The following POLR2B variants were observed in gnomAD, a reference collection of about 807,000 sequenced individuals.
The protein encoded by POLR2B is DNA-directed RNA polymerase II subunit RPB2.
A neutral mutation model predicts 144.6 loss-of-function variants in POLR2B; 57 were observed. The ratio of observed to expected loss-of-function variants is 0.39; its 90% CI spans 0.32 to 0.49. The LOEUF (loss-of-function observed/expected upper bound fraction) is 0.49, where lower values mean the gene tolerates loss of function less well. Ranked by LOEUF, POLR2B falls within the 20% of genes least tolerant of loss-of-function variation. The pLI, the probability that POLR2B is intolerant of heterozygous loss-of-function variation, is 0.83. For synonymous variants in POLR2B, 442 were observed against 469.8 expected (o/e 0.94, Z 0.77); for missense variants, 595 against 1,467.4 (o/e 0.41, Z 9.71).
chr4:56,990,050 C>G (rs1042141627), intron 2 of POLR2B, among the ~76,000 whole-genome samples: 1 of 152,202 alleles, frequency 6.6e-6, no homozygotes, highest in Non-Finnish European at 1.5e-5. Context: ...AACTAATGAT[C>G]TATAACCTAA....
At chr4:56,986,314 C>A in intron 1 of POLR2B, 40 bp from the exon 2 acceptor site, 1 of 1,108,092 alleles carries the variant, frequency 9.0e-7, no homozygotes, top group Non-Finnish European at 1.4e-6. Flanking sequence ...AACTAAGTGG[C>A]ATCTCATTGC....
chr4:57,023,782 A>C lies in POLR2B; in HGVS notation c.2856+31A>C. ...TATCTTTGATCTCCCTCATGCCCAA[A>C]CCAGTTTTGTTAAATATTTTTTTTT... On this transcript the variant is annotated intron_variant, in intron 20 of 24. Transcript: ENST00000314595. This position sits in a 1 kb window ranked among gnomAD's most constrained non-coding sequence, Gnocchi z 4.3. 4.4e-6 allele frequency: 6 copies of C among 1,374,028 alleles called. No homozygotes were observed. Among genetic ancestry groups the C allele is most frequent in the Non-Finnish European group, 6.1e-6 (6 of 990,004 alleles). The allele number at this position is 1,374,028 out of a possible 1,614,324, so 85.1% of individuals were successfully genotyped here.
intron 13 of POLR2B, among the ~76,000 whole-genome samples, chr4:57,013,789 CTG>C (rs1016633908): frequency 3.3e-5 from 5 of 152,004 alleles, no homozygotes; most frequent in African/African-American, 1.2e-4. Flanking sequence ...ACTGATAAAA[CTG>C]TGTTTACAAA....
At chr4:57,030,500 C>A in intron 24 of POLR2B, 101 bp downstream of exon 24, 1 of 779,750 alleles carries the variant, frequency 1.3e-6, no homozygotes, top group Non-Finnish European at 2.0e-6. Context: ...TTGGCATTTT[C>A]ACAATTTTGA....
intron 21 of POLR2B, 79 bp from the exon 22 acceptor site, chr4:57,024,807 G>T: frequency 2.9e-6 from 2 of 694,002 alleles, no homozygotes; most frequent in South Asian, 3.5e-5. Flanking sequence ...AAAATTTTTT[G>T]AATGCATTTT....
In POLR2B at chr4:57,030,953, T is replaced by G; in HGVS notation, c.3490T>G (p.Ser1164Ala). ...ACKLLFQELM[S>A]MSIAPRMMSV ...CAAACTATTGTTTCAGGAACTTATG[T>G]CTATGAGTATTGCACCGCGAATGAT... The change falls in exon 25 of 25, where the codon TCT becomes GCT. Residue 1164 changes from serine (S) to alanine (A), a missense_variant. Ser to Ala is a moderately conservative substitution (Grantham distance 99). Transcript: ENST00000314595. The G allele has an allele frequency of 3.7e-6, 6 of 1,605,018 alleles. No homozygotes were observed. Among genetic ancestry groups the G allele is most frequent in the Non-Finnish European group, 5.1e-6 (6 of 1,171,652 alleles).
rs897018272 is a variant in POLR2B at position 56,990,957 on chromosome 4, C to T, written c.243+59C>T. ...AAGCGTATTGGTTTGAAATTTTAGC[C>T]CTTCTCTTACCTGGCTTAAAGGTTA... is the stretch of plus-strand genomic sequence containing the variant. On this transcript the variant is annotated intron_variant, in intron 3 of 24. Coordinates refer to ENST00000314595, the MANE Select transcript of POLR2B (RefSeq NM_000938.3). 2.8e-6 allele frequency: 4 copies of T among 1,411,960 alleles called. No homozygotes were observed. In the Admixed American group the frequency reaches 6.9e-5, roughly 24 times the overall value. The allele number at this position is 1,411,960 out of a possible 1,614,324, so 87.5% of individuals were successfully genotyped here. A position where few individuals can be genotyped will look rare whatever the true frequency, so the allele number is the denominator to read the frequency against.
chr4:57,030,186 AT>A lies in POLR2B; in HGVS notation c.3240-11del, dbSNP rs750030004. ...AATAAAAAATAAGTACAAAGTAATA[AT>A]TTTTTTCTCTTAACAGTGATGGTGG... On this transcript the variant is annotated splice_polypyrimidine_tract_variant and intron_variant, in intron 23 of 24. Transcript: ENST00000314595. 4 of 1,600,546 alleles carry A rather than the reference AT, an allele frequency of 2.5e-6. No homozygotes were observed. Among genetic ancestry groups the A allele is most frequent in the African/African-American group, 2.7e-5 (2 of 74,230 alleles).
At chr4:56,991,242 A>G (rs1382683187) in intron 3 of POLR2B, among the ~76,000 whole-genome samples, 1 of 152,170 alleles carries the variant, frequency 6.6e-6, no homozygotes, top group Non-Finnish European at 1.5e-5. Context: ...TGTTTGAAGG[A>G]ATTTTCATCT....
intron 6 of POLR2B, 75 bp downstream of exon 6, chr4:56,995,484 T>G (rs2109663573): frequency 9.2e-7 from 1 of 1,085,664 alleles, no homozygotes. Context: ...CTGCCTTCTT[T>G]GTCCATAGAA....
intron 10 of POLR2B, chr4:57,009,610 T>A (rs1278102443): frequency 1.3e-5 from 2 of 152,158 alleles, no homozygotes; most frequent in African/African-American, 4.8e-5. Flanking sequence ...CTAGGTTTTT[T>A]AGAATATTTG....
Position 57,022,247 on chromosome 4 carries a change from GT to G in POLR2B, c.2515+2del. The G allele has an allele frequency of 6.4e-7, 1 of 1,570,876 alleles. No homozygotes were observed. Among genetic ancestry groups the G allele is most frequent in the Non-Finnish European group, 8.7e-7 (1 of 1,145,984 alleles). On this transcript the variant is annotated splice_donor_variant, in intron 18 of 24. Coordinates refer to ENST00000314595, the MANE Select transcript of POLR2B (RefSeq NM_000938.3). LOFTEE classifies it high-confidence loss of function. ...AAGCCTACACGTGAAACATGCCAGG[GT>G]AAGTGACACTAACATTTAAATGATG...
chr4:57,030,524 T>A, intron 24 of POLR2B, 125 bp downstream of exon 24: 1 of 663,124 alleles, frequency 1.5e-6, no homozygotes. Context: ...CATGCTTCTG[T>A]GAGATTCCGA....
intron 13 of POLR2B, among the ~76,000 whole-genome samples, chr4:57,014,537 C>G (rs1443327312): frequency 9.5e-6 from 1 of 104,906 alleles, no homozygotes; most frequent in Admixed American, 1.2e-4. Context: ...GAGTCTTGCT[C>G]TGTTGCCCAG....
intron 3 of POLR2B, among the ~76,000 whole-genome samples, chr4:56,994,165 C>G (rs1247183075): frequency 6.6e-6 from 1 of 151,800 alleles, no homozygotes; most frequent in Non-Finnish European, 1.5e-5. Flanking sequence ...CATTACCTGT[C>G]TAATGTGAAA....
intron 16 of POLR2B, among the ~76,000 whole-genome samples, chr4:57,019,108 AG>A (rs1279540260): frequency 6.6e-6 from 1 of 152,218 alleles, no homozygotes; most frequent in African/African-American, 2.4e-5. Context: ...ATCCTCCACA[AG>A]GGGTTCCTCT....
chr4:56,993,006 G>A (rs562617896), intron 3 of POLR2B, among the ~76,000 whole-genome samples: 5 of 152,118 alleles, frequency 3.3e-5, no homozygotes, highest in African/African-American at 1.2e-4. Context: ...GCTTGGAATA[G>A]AAAGAGGCTA....
chr4:56,994,620 A>C (rs778465434), intron 4 of POLR2B, 27 bp from the exon 5 acceptor site: 1 of 1,518,946 alleles, frequency 6.6e-7, no homozygotes, highest in Non-Finnish European at 9.1e-7. Context: ...CCTATTGCTT[A>C]ACTGTGATCT....
At chr4:56,997,685 A>C (rs912201789) in intron 6 of POLR2B, among the ~76,000 whole-genome samples, 2 of 152,258 alleles carry the variant, frequency 1.3e-5, no homozygotes, top group African/African-American at 2.4e-5. Flanking sequence ...AATCACTGGA[A>C]GATAGCTCTA....
Sources: allele counts gnomAD v4.1 joint callset (sites outside exome capture counted in the v4.1 genomes callset), GRCh38; gene constraint gnomAD v4.1.1; non-coding constraint Gnocchi (gnomAD v3.1); transcripts MANE v1.5; gene names NCBI Gene and HGNC (gene_info 2026-07-23, HGNC 2026-07-21).